The following STAT2 variants were observed in gnomAD, a reference collection of about 807,000 sequenced individuals.
STAT2 encodes signal transducer and activator of transcription 2, also known as interferon alpha induced transcriptional activator.
A neutral mutation model predicts 122.3 loss-of-function variants in STAT2; 51 were observed. The observed-to-expected ratio is 0.42, with a 90% CI of 0.33 to 0.53. The LOEUF (loss-of-function observed/expected upper bound fraction) is 0.53, where lower values mean the gene tolerates loss of function less well. Ranked by LOEUF, STAT2 falls within the 20% of genes least tolerant of loss-of-function variation. The probability of loss-of-function intolerance (pLI) is 0.10; values close to 1 mark genes in which losing one functional copy is unlikely to be tolerated. For missense variants in STAT2, 736 were observed against 1,010.3 expected, an observed-to-expected ratio of 0.73 and a Z score of 3.68; for synonymous variants, 351 against 394.9, an observed-to-expected ratio of 0.89 and a Z score of 1.32.
At chr12:56,352,371 T>TTGTGGG (rs1565655623) in intron 8 of STAT2, 3 of 28,452 alleles carry the variant, frequency 1.1e-4, no homozygotes, top group Non-Finnish European at 2.0e-4. Context: ...TTTTTTTTTT[T>TTGTGGG]GGTGGGGGTG....
rs569533355 is a variant in STAT2 at position 56,348,688 on chromosome 12, G to A, written c.1629+64C>T. The A allele has an allele frequency of 1.2e-5, 19 of 1,613,920 alleles. No homozygotes were observed. The East Asian group carries it at 3.8e-4, about 32-fold the overall frequency. On this transcript the variant is annotated intron_variant, in intron 18 of 23. Coordinates refer to ENST00000314128, the MANE Select transcript of STAT2 (RefSeq NM_005419.4). ...GCCTCTGGTGTAGGGAAGGAGGGAC[G>A]TGGGAAGGCCAGTATTTGGAATGTG...
Position 56,356,260 on chromosome 12 carries a change from C to A in STAT2, c.157G>T (p.Asp53Tyr). The change falls in exon 3 of 24, where the codon GAT (aspartate) becomes TAT (tyrosine). Residue 53 changes from aspartate to tyrosine, a missense_variant. Physicochemically the swap from Asp to Tyr is radical, Grantham distance 160. Transcript: ENST00000314128. ...AAGAATAGCATGGTAGCCTTGGAAT[C>A]ATCACTCCCAAGTGCAGCTTCCTGC... ...NWQEAALGSD[D>Y]SKATMLFFHF... is the part of the protein sequence containing the mutation. The A allele has an allele frequency of 1.2e-6, 2 of 1,612,210 alleles. No homozygotes were observed. Among genetic ancestry groups the A allele is most frequent in the Non-Finnish European group, 8.5e-7 (1 of 1,180,024 alleles).
chr12:56,343,800 T>A, intron 23 of STAT2, 25 bp downstream of exon 23: 1 of 1,610,886 alleles, frequency 6.2e-7, no homozygotes, highest in Non-Finnish European at 8.5e-7. Flanking sequence ...TGTGCCATCT[T>A]CCATAGCTCC....
In STAT2 at chr12:56,349,146, C is replaced by T. The variant is rs766143492; in HGVS notation, c.1440+17G>A. On this transcript the variant is annotated intron_variant, in intron 16 of 23. Transcript: ENST00000314128. ...CCCCTCCTCTCGCGCCTTGACCTGT[C>T]GGCCCCACTCCCCTACCTGAAGGTT... is the stretch of plus-strand genomic sequence containing the variant. 5.0e-6 allele frequency: 8 copies of T among 1,614,026 alleles called. No homozygotes were observed. The highest frequency in any genetic ancestry group is 2.2e-5 in the East Asian group (1 of 44,896).
rs1467441950 is a variant in STAT2 at position 56,349,002 on chromosome 12, G to C, written c.1498C>G (p.Leu500Val). The C allele has an allele frequency of 6.2e-7, 1 of 1,613,988 alleles. No homozygotes were observed. Among genetic ancestry groups the C allele is most frequent in the Non-Finnish European group, 8.5e-7 (1 of 1,179,984 alleles). ...KAPWSLLGPALSWQFSSYVGR... is the reference protein window; with the variant it reads ...KAPWSLLGPAVSWQFSSYVGR... ...ACATAGGAGGAGAACTGCCAACTGA[G>C]AGCAGGGCCCAGCAAGCTCCAGGGG... The change falls in exon 17 of 24, where the codon CTC (leucine) becomes GTC (valine). Residue 500 changes from leucine to valine, a missense_variant. Physicochemically the swap from Leu to Val is conservative, Grantham distance 32 (BLOSUM62 1). Transcript: ENST00000314128.
intron 19 of STAT2, 74 bp from the exon 20 acceptor site, chr12:56,347,029 T>C (rs916914353): frequency 1.3e-5 from 21 of 1,571,276 alleles, no homozygotes; most frequent in Non-Finnish European, 1.5e-5. Context: ...CCTGCTCCCC[T>C]TGTATGGAGA....
intron 6 of STAT2, 64 bp downstream of exon 6, chr12:56,355,212 C>T (rs1879314116): frequency 6.3e-7 from 1 of 1,583,892 alleles, no homozygotes. Flanking sequence ...TTCTCCTGTT[C>T]ACTTCCAGCT....
chr12:56,345,172 C>CAAAAAAA (rs35648397), intron 22 of STAT2, among the ~76,000 whole-genome samples: 1 of 27,142 alleles, frequency 3.7e-5, no homozygotes, highest in Non-Finnish European at 6.4e-5. Context: ...GAGACTGTCT[C>CAAAAAAA]AAAAAAAAAA....
At chr12:56,344,609 ACCTGTAAT>A (rs1216584172) in intron 22 of STAT2, among the ~76,000 whole-genome samples, 10 of 152,168 alleles carry the variant, frequency 6.6e-5, no homozygotes, top group Admixed American at 6.5e-4. Context: ...GGTGGCTCAC[ACCTGTAAT>A]CCAAGCACTT....
chr12:56,349,364 T>A, intron 15 of STAT2, 62 bp downstream of exon 15: 4 of 1,614,118 alleles, frequency 2.5e-6, no homozygotes, highest in South Asian at 1.1e-5. Flanking sequence ...CTTCTGTTTA[T>A]CCCCTTCTTA....
Position 56,344,056 on chromosome 12 carries a change from C to T in STAT2, c.2182G>A (p.Val728Met), listed in dbSNP as rs181056205. Residue 728 changes from valine (V) to methionine (M), a missense_variant, in exon 23 of 24, where the codon GTG (valine) becomes ATG (methionine). Coordinates refer to ENST00000314128, the MANE Select transcript of STAT2 (RefSeq NM_005419.4). ...TCCAGGCTGAGCTCTGGCTCTGGCACCAGCCCTAGTTCCAGCTCTAATGAC... is the reference window on the plus strand; with the variant it reads ...TCCAGGCTGAGCTCTGGCTCTGGCATCAGCCCTAGTTCCAGCTCTAATGAC... ...LESLELELGL[V>M]PEPELSLDLE... 1.2e-6 allele frequency: 2 copies of T among 1,610,280 alleles called. No homozygotes were observed. Among genetic ancestry groups the T allele is most frequent in the East Asian group, 4.5e-5 (2 of 44,830 alleles).
Position 56,355,364 on chromosome 12 carries a change from G to A in STAT2, c.472-13C>T. 6.2e-7 allele frequency: 1 copy of A among 1,614,182 alleles called. No homozygotes were observed. On this transcript the variant is annotated splice_polypyrimidine_tract_variant and intron_variant, in intron 5 of 23. Transcript: ENST00000314128. ...ATTTTACCAGCTTCTGCAGAGGGGA[G>A]AGGACCCCGATGAGGCTGCTTCTCA...
chr12:56,347,032 T>C, intron 19 of STAT2, 77 bp from the exon 20 acceptor site: 1 of 1,569,136 alleles, frequency 6.4e-7, no homozygotes, highest in African/African-American at 1.4e-5. Flanking sequence ...GCTCCCCTTG[T>C]ATGGAGAAAC....
Position 56,351,420 on chromosome 12 carries a change from G to C in STAT2, c.813C>G (p.His271Gln), listed in dbSNP as rs770821354. The C allele has an allele frequency of 1.2e-6, 2 of 1,614,026 alleles. No homozygotes were observed. The highest frequency in any genetic ancestry group is 2.2e-5 in the South Asian group (2 of 91,068). ...WFTAGAKLLF[H>Q]LRQLLKELKG... ...TCAGCTCCTTCAGCAGCTGCCTCAG[G>C]TGAAACAACAGCTTTGCTCCAGCTG... The change falls in exon 9 of 24, where the codon CAC (histidine) becomes CAG (glutamine). Residue 271 changes from histidine to glutamine, a missense_variant. Transcript: ENST00000314128.
In STAT2 at chr12:56,350,446, A is replaced by C; in HGVS notation, c.1095-14T>G. 6.3e-7 allele frequency: 1 copy of C among 1,596,178 alleles called. No individual in the cohort carries two copies. Among genetic ancestry groups the C allele is most frequent in the Non-Finnish European group, 8.5e-7 (1 of 1,174,136 alleles). The stretch of plus-strand genomic sequence containing the variant: ...TGAGGAGGATTCCTGAAAAGAAATA[A>C]ATTTAAAAAAATCATTGGGCAAAAG... On this transcript the variant is annotated splice_polypyrimidine_tract_variant and intron_variant, in intron 11 of 23. Transcript: ENST00000314128.
In STAT2 at chr12:56,343,868, A is replaced by G. The variant is rs1876949602; in HGVS notation, c.2370T>C (p.Asp790=). The change falls in exon 23 of 24, where the codon GAT becomes GAC. Residue 790 remains aspartate (D), a synonymous_variant. Transcript: ENST00000314128. ...GPVSQPVPEP[D]LPCDLRHLNT... ...TCAAATGTCTCAGATCACAGGGCAAATCTGGCTCTGGCACTGGCTGTGATA... is the reference window on the plus strand; with the variant it reads ...TCAAATGTCTCAGATCACAGGGCAAGTCTGGCTCTGGCACTGGCTGTGATA... 1 of 1,614,048 alleles carries G rather than the reference A, an allele frequency of 6.2e-7. No individual in the cohort carries two copies. Among genetic ancestry groups the G allele is most frequent in the Admixed American group, 1.7e-5 (1 of 59,994 alleles).
Position 56,348,556 on chromosome 12 carries a change from T to G in STAT2, c.1697A>C (p.Asp566Ala). 1 of 1,614,092 alleles carries G rather than the reference T, an allele frequency of 6.2e-7. No individual in the cohort carries two copies. The highest frequency in any genetic ancestry group is 8.5e-7 in the Non-Finnish European group (1 of 1,180,036). Residue 566 changes from aspartate (D) to alanine (A), a missense_variant, in exon 19 of 24, where the codon GAC becomes GCC. Physicochemically the swap from Asp to Ala is moderately radical, Grantham distance 126 (BLOSUM62 -2). Coordinates refer to ENST00000314128, the MANE Select transcript of STAT2 (RefSeq NM_005419.4). ...WLDKILELVH[D>A]HLKDLWNDGR... ...ATCATTCCAGAGATCCTTCAGGTGG[T>G]CATGTACCAACTCCAGAATTTTGTC... is the stretch of plus-strand genomic sequence containing the variant.
chr12:56,357,398 T>G (rs1209479999), intron 1 of STAT2, among the ~76,000 whole-genome samples: 1 of 151,716 alleles, frequency 6.6e-6, no homozygotes, highest in African/African-American at 2.4e-5. Context: ...TGGAGTGCAG[T>G]GGTGTGATTT....
At position 56,355,785 on chromosome 12, in the gene STAT2, T is replaced by C; in HGVS notation, c.304A>G (p.Thr102Ala). 2 of 1,614,134 alleles carry C rather than the reference T, an allele frequency of 1.2e-6. No individual in the cohort carries two copies. Among genetic ancestry groups the C allele is most frequent in the Non-Finnish European group, 1.7e-6 (2 of 1,179,992 alleles). Reference sequence around the variant, plus strand: ...TTAAAGATCATCTCAGCCAACTGGGTAGGATCCTGGGAAAAGGGCTAGAAT... The same window carrying C: ...TTAAAGATCATCTCAGCCAACTGGGCAGGATCCTGGGAAAAGGGCTAGAAT... Reference protein sequence around the residue: ...RDIQPFSQDPTQLAEMIFNLL... With the variant: ...RDIQPFSQDPAQLAEMIFNLL... Residue 102 changes from threonine to alanine, a missense_variant, in exon 4 of 24, where the codon ACC becomes GCC. Transcript: ENST00000314128.
Sources: allele counts gnomAD v4.1 joint callset (sites outside exome capture counted in the v4.1 genomes callset), GRCh38; gene constraint gnomAD v4.1.1; transcripts MANE v1.5; gene names NCBI Gene and HGNC (gene_info 2026-07-23, HGNC 2026-07-21).